SIPA1L2: variants seen among roughly 807,000 people sequenced by gnomAD.
SIPA1L2 encodes signal-induced proliferation-associated 1-like protein 2.
SIPA1L2 carries 56 observed loss-of-function variants against 163.9 expected under a neutral mutation model. The ratio of observed to expected loss-of-function variants is 0.34; its 90% CI spans 0.28 to 0.43. The LOEUF (loss-of-function observed/expected upper bound fraction) is 0.43, where lower values mean the gene tolerates loss of function less well. Ranked by LOEUF, SIPA1L2 falls within the 20% of genes least tolerant of loss-of-function variation. The pLI is 1.00. For synonymous variants in SIPA1L2, 877 were observed against 865.7 expected (o/e 1.01, Z -0.23); for missense variants, 1,974 against 2,193.5 (o/e 0.90, Z 2.00).
At position 232,456,053 on chromosome 1, in the gene SIPA1L2, C is replaced by T. The variant is rs1313770846; in HGVS notation, c.3095+4834G>A. Among the ~76,000 whole-genome samples, 3 of 152,082 alleles carry T rather than the reference C, an allele frequency of 2.0e-5. 1 individual carries two copies. The highest frequency in any genetic ancestry group is 7.2e-5 in the African/African-American group (3 of 41,476). On this transcript the variant is annotated intron_variant, in intron 10 of 22. Coordinates refer to ENST00000674635, the MANE Select transcript of SIPA1L2 (RefSeq NM_020808.5). ...ATCTGTACACCAAACCCCCACGACACGTAATTTACCCACGTAACACACCTG... is the reference window on the plus strand; with the variant it reads ...ATCTGTACACCAAACCCCCACGACATGTAATTTACCCACGTAACACACCTG...
rs1658552927 is a variant in SIPA1L2, at chr1:232,553,977, G to A, written c.-270+20197C>T. Among the ~76,000 whole-genome samples the A allele has an allele frequency of 5.3e-5, 8 of 152,216 alleles. No homozygotes were observed. In the South Asian group the frequency reaches 1.7e-3, roughly 32 times the overall value. On this transcript the variant is annotated intron_variant, in intron 2 of 22. Coordinates refer to ENST00000674635, the MANE Select transcript of SIPA1L2 (RefSeq NM_020808.5). Reference sequence around the variant, plus strand: ...AAGTTACCAAGCAGCAAGGCCCCATGGTAGGCAATGAGAAATACCTAAGGC... The same window carrying A: ...AAGTTACCAAGCAGCAAGGCCCCATAGTAGGCAATGAGAAATACCTAAGGC...
chr1:232,550,560 T>C (rs1427201883), intron 2 of SIPA1L2, among the ~76,000 whole-genome samples: 1 of 152,234 alleles, frequency 6.6e-6, no homozygotes, highest in Non-Finnish European at 1.5e-5. Flanking sequence ...AAACAGCTGA[T>C]TCTGCCTTTT....
At chr1:232,595,424 C>T (rs989738126) in intron 1 of SIPA1L2, among the ~76,000 whole-genome samples, 4 of 152,200 alleles carry the variant, frequency 2.6e-5, no homozygotes, top group African/African-American at 7.2e-5. Context: ...GGCCAGAGGT[C>T]GGAAAGCACA....
chr1:232,603,609 G>A (rs557488797), intron 1 of SIPA1L2, among the ~76,000 whole-genome samples: 1 of 152,220 alleles, frequency 6.6e-6, no homozygotes, highest in Admixed American at 6.5e-5. Flanking sequence ...GCCAGATGAC[G>A]AAAGCCATGG....
intron 1 of SIPA1L2, among the ~76,000 whole-genome samples, chr1:232,594,626 C>T (rs1661151267): frequency 1.3e-5 from 2 of 152,228 alleles, no homozygotes; most frequent in South Asian, 2.1e-4. Context: ...GCCCCTTTAC[C>T]CAGCCTCTTT....
At chr1:232,453,465 G>T (rs1170921811) in intron 10 of SIPA1L2, among the ~76,000 whole-genome samples, 3 of 152,170 alleles carry the variant, frequency 2.0e-5, no homozygotes, top group African/African-American at 7.2e-5. Flanking sequence ...GCATCACAGA[G>T]AATCTTTAAG....
Position 232,514,649 on chromosome 1 carries a change from G to A in SIPA1L2, c.691C>T (p.Pro231Ser). 1.2e-6 allele frequency: 2 copies of A among 1,614,140 alleles called. No homozygotes were observed. The highest frequency in any genetic ancestry group is 2.2e-5 in the South Asian group (2 of 91,074). The part of the protein sequence containing the change: ...DHKAMVPFGF[P>S]EFFRCDPAIS... Reference sequence around the variant, plus strand: ...GCAGGGTCACAGCGGAAAAATTCAGGGAACCCAAAAGGGACCATTGCTTTG... The same window carrying A: ...GCAGGGTCACAGCGGAAAAATTCAGAGAACCCAAAAGGGACCATTGCTTTG... Residue 231 changes from proline to serine, a missense_variant, in exon 3 of 23, where the codon CCT (proline) becomes TCT (serine). This residue lies in a region of SIPA1L2 where 607 missense variants were observed against 624.0 expected (regional missense o/e 0.97). Transcript: ENST00000674635.
chr1:232,443,270 C>T (rs938969137), intron 12 of SIPA1L2, among the ~76,000 whole-genome samples: 30 of 152,220 alleles, frequency 2.0e-4, no homozygotes, highest in Admixed American at 1.6e-3. Context: ...AAAAGCCAAA[C>T]GCTAAACCCA....
At chr1:232,425,007 C>T (rs1164926021) in intron 18 of SIPA1L2, among the ~76,000 whole-genome samples, 1 of 152,162 alleles carries the variant, frequency 6.6e-6, no homozygotes, top group African/African-American at 2.4e-5. Context: ...GGAAAATCAT[C>T]TAGAAATCGT....
intron 3 of SIPA1L2, among the ~76,000 whole-genome samples, chr1:232,507,233 C>T (rs1403937016): frequency 6.6e-6 from 1 of 151,252 alleles, no homozygotes; most frequent in East Asian, 1.9e-4. Context: ...GCTTTGGGTA[C>T]CAGTCAGGGA....
At chr1:232,439,916 AG>A (rs2102857539) in intron 14 of SIPA1L2, among the ~76,000 whole-genome samples, 1 of 152,326 alleles carries the variant, frequency 6.6e-6, no homozygotes, top group South Asian at 2.1e-4. Context: ...CAGAAGACTT[AG>A]GTTCCAGTCA....
chr1:232,579,726 TTCC>T (rs1236517634), intron 1 of SIPA1L2, among the ~76,000 whole-genome samples: 1 of 152,242 alleles, frequency 6.6e-6, no homozygotes, highest in Non-Finnish European at 1.5e-5. Flanking sequence ...ATGGGAAAAC[TTCC>T]TCTTCACTCT....
At chr1:232,549,040 C>T (rs1658224579) in intron 2 of SIPA1L2, among the ~76,000 whole-genome samples, 2 of 152,210 alleles carry the variant, frequency 1.3e-5, no homozygotes, top group Admixed American at 6.5e-5. Flanking sequence ...ACCTGGGAAA[C>T]AGAAGGAGGA....
At chr1:232,490,783 A>G in intron 5 of SIPA1L2, 91 bp downstream of exon 5, 1 of 1,303,290 alleles carries the variant, frequency 7.7e-7, no homozygotes, top group Middle Eastern at 2.8e-4. Flanking sequence ...AAAATAAATG[A>G]TCTTACAAGA....
intron 1 of SIPA1L2, among the ~76,000 whole-genome samples, chr1:232,628,544 T>A (rs1663200537): frequency 6.6e-6 from 1 of 152,184 alleles, no homozygotes; most frequent in African/African-American, 2.4e-5. Flanking sequence ...TTAAATGATG[T>A]AACTAAATAC....
At chr1:232,498,249 C>T (rs1484888428) in intron 3 of SIPA1L2, among the ~76,000 whole-genome samples, 7 of 152,034 alleles carry the variant, frequency 4.6e-5, no homozygotes, top group South Asian at 2.1e-4. Context: ...GCAGGAATAT[C>T]GAAATAAAAA....
At chr1:232,510,786 A>G (rs1558233304) in intron 3 of SIPA1L2, among the ~76,000 whole-genome samples, 2 of 152,200 alleles carry the variant, frequency 1.3e-5, no homozygotes, top group Non-Finnish European at 2.9e-5. Context: ...GGGGTGCACA[A>G]AACAACAGTT....
rs1295986929 is a variant in SIPA1L2 at position 232,402,416 on chromosome 1, T to C, written c.4998A>G (p.Arg1666=). ...GKVNQLELIL[R]QLQTDLRKEK... Reference sequence around the variant, plus strand: ...CCTTCCGAAGGTCGGTCTGGAGTTGTCGAAGAATTAATTCCAGCTGATTGA... The same window carrying C: ...CCTTCCGAAGGTCGGTCTGGAGTTGCCGAAGAATTAATTCCAGCTGATTGA... Residue 1666 remains arginine (R), a synonymous_variant, in exon 22 of 23, where the codon CGA becomes CGG. Coordinates refer to ENST00000674635, the MANE Select transcript of SIPA1L2 (RefSeq NM_020808.5). 1.2e-6 allele frequency: 2 copies of C among 1,613,676 alleles called. No homozygotes were observed. The highest frequency in any genetic ancestry group is 4.5e-5 in the East Asian group (2 of 44,860).
chr1:232,577,030 C>T (rs1242533163), intron 1 of SIPA1L2, among the ~76,000 whole-genome samples: 1 of 151,994 alleles, frequency 6.6e-6, no homozygotes, highest in Non-Finnish European at 1.5e-5. Context: ...AGAAGACGTC[C>T]TATAGGGCTT....
Sources: allele counts gnomAD v4.1 joint callset (sites outside exome capture counted in the v4.1 genomes callset), GRCh38; gene constraint gnomAD v4.1.1; regional missense constraint gnomAD v4.1.1; transcripts MANE v1.5; gene names NCBI Gene and HGNC (gene_info 2026-07-23, HGNC 2026-07-21).